ZMIZ1: variants seen among roughly 807,000 people sequenced by gnomAD.
ZMIZ1 encodes the protein zinc finger MIZ-type containing 1.
ZMIZ1 carries 17 observed loss-of-function variants against 113.9 expected under a neutral mutation model. The ratio of observed to expected loss-of-function variants is 0.15; its 90% confidence interval spans 0.10 to 0.22. The LOEUF is 0.22. ZMIZ1 is among the 10% of genes least tolerant of loss of function. The probability of loss-of-function intolerance (pLI) is 1.00; values close to 1 mark genes in which losing one functional copy is unlikely to be tolerated. For synonymous variants in ZMIZ1, 607 were observed against 603.1 expected, an observed-to-expected ratio of 1.01 and a Z score of -0.09; for missense variants, 1,059 against 1,477.8, an observed-to-expected ratio of 0.72 and a Z score of 4.65.
At chr10:79,255,552 G>A (rs533084739) in intron 7 of ZMIZ1, among the ~76,000 whole-genome samples, 151 of 152,138 alleles carry the variant, frequency 9.9e-4, no homozygotes, top group Non-Finnish European at 1.8e-3. Context: ...ATTCACCAGC[G>A]TCCCTGCCCG....
intron 1 of ZMIZ1, among the ~76,000 whole-genome samples, chr10:79,113,470 CTTCCTTCCCCTGGCCTGG>C (rs1843838488): frequency 6.6e-6 from 1 of 152,116 alleles, no homozygotes; most frequent in Non-Finnish European, 1.5e-5. Context: ...TGGCCTTGTG[CTTCCTTCCCCTGGCCTGG>C]CCTGAATGTG....
At chr10:79,194,792 TA>T (rs1304893193) in intron 4 of ZMIZ1, among the ~76,000 whole-genome samples, 5 of 152,140 alleles carry the variant, frequency 3.3e-5, no homozygotes, top group African/African-American at 1.2e-4. Flanking sequence ...CCTCTATACA[TA>T]ATAGCCGCTA....
chr10:79,294,938 A>AC (rs1261444746), intron 12 of ZMIZ1: 58 of 93,964 alleles, frequency 6.2e-4, no homozygotes, highest in African/African-American at 2.0e-3. Flanking sequence ...AGGAGGGGAG[A>AC]GAGAGGGGGG....
At chr10:79,141,531 C>G (rs1248247487) in intron 3 of ZMIZ1, among the ~76,000 whole-genome samples, 3 of 152,156 alleles carry the variant, frequency 2.0e-5, no homozygotes, top group Non-Finnish European at 2.9e-5. Context: ...CCTCAGCCCC[C>G]TGAGTAGCTG....
At chr10:79,148,604 C>T (rs768982597) in intron 3 of ZMIZ1, among the ~76,000 whole-genome samples, 18 of 152,088 alleles carry the variant, frequency 1.2e-4, no homozygotes, top group African/African-American at 1.7e-4. Context: ...GACGCAGATC[C>T]GCCATCATGC....
At chr10:79,220,949 A>T (rs1181140949) in intron 7 of ZMIZ1, among the ~76,000 whole-genome samples, 1 of 151,668 alleles carries the variant, frequency 6.6e-6, no homozygotes, top group Admixed American at 6.6e-5. Flanking sequence ...TATGTCTATG[A>T]CGTATATGTA....
intron 2 of ZMIZ1, among the ~76,000 whole-genome samples, chr10:79,123,749 G>A (rs1383979922): frequency 2.0e-5 from 3 of 152,176 alleles, no homozygotes; most frequent in East Asian, 1.9e-4. Context: ...TTAGGCTGCC[G>A]GCATGCACAC....
At chr10:79,211,742 G>T (rs116949324) in intron 6 of ZMIZ1, among the ~76,000 whole-genome samples, 1 of 152,220 alleles carries the variant, frequency 6.6e-6, no homozygotes, top group Non-Finnish European at 1.5e-5. Context: ...GCCGGCACAA[G>T]CCCCGGGCCA....
intron 7 of ZMIZ1, among the ~76,000 whole-genome samples, chr10:79,226,267 A>C (rs1407273921): frequency 6.6e-6 from 1 of 152,042 alleles, no homozygotes; most frequent in Non-Finnish European, 1.5e-5. Flanking sequence ...GTGGGACCAG[A>C]GCTCTGGCCA....
At chr10:79,301,072 G>A (rs1782648) in intron 17 of ZMIZ1, 130 bp downstream of exon 17, 475,347 of 1,329,858 alleles carry the variant, frequency 0.36, 87,160 homozygotes, top group East Asian at 0.44. Context: ...GCCCACAGCC[G>A]CCAAAGATAC....
rs1022039570 is a variant in ZMIZ1, at chr10:79,302,480, C to T, written c.2125+268C>T. Among the ~76,000 whole-genome samples the T allele has an allele frequency of 2.6e-5, 4 of 152,056 alleles. No individual in the cohort carries two copies. In the East Asian group the frequency reaches 7.7e-4, roughly 29 times the overall value. ...AAGAGCTGGCAGTCCAGCTTGGGAG[C>T]CAGAACAGGCATACCTGCAATAGCA... On this transcript the variant is annotated intron_variant, in intron 18 of 24. Transcript: ENST00000334512.
At chr10:79,103,033 T>A (rs1386082264) in intron 1 of ZMIZ1, among the ~76,000 whole-genome samples, 2 of 151,974 alleles carry the variant, frequency 1.3e-5, no homozygotes, top group African/African-American at 4.8e-5. Context: ...TGCAGTACAG[T>A]AGTAATGTCG....
At chr10:79,183,393 C>T (rs1251089914) in intron 4 of ZMIZ1, among the ~76,000 whole-genome samples, 2 of 152,044 alleles carry the variant, frequency 1.3e-5, no homozygotes, top group Admixed American at 1.3e-4. Context: ...CGCACACACC[C>T]ATGTGTGCAG....
intron 4 of ZMIZ1, among the ~76,000 whole-genome samples, chr10:79,193,069 G>C (rs703972): frequency 0.43 from 64,798 of 151,996 alleles, 14,045 homozygotes; most frequent in Non-Finnish European, 0.46. Flanking sequence ...GCAGGCTACC[G>C]AGGTTTGGGA....
chr10:79,129,172 C>T (rs1174524172), intron 2 of ZMIZ1, among the ~76,000 whole-genome samples: 1 of 152,182 alleles, frequency 6.6e-6, no homozygotes, highest in African/African-American at 2.4e-5. Context: ...CCCCCACCTC[C>T]CAGCAACCAT....
intron 3 of ZMIZ1, among the ~76,000 whole-genome samples, chr10:79,148,563 G>C (rs1845585682): frequency 6.6e-6 from 1 of 152,220 alleles, no homozygotes; most frequent in Non-Finnish European, 1.5e-5. Context: ...GTCCGGAAAA[G>C]GGGTGGAGCT....
chr10:79,156,093 TCTC>T (rs766718854), intron 3 of ZMIZ1, among the ~76,000 whole-genome samples: 2 of 144,920 alleles, frequency 1.4e-5, no homozygotes, highest in Admixed American at 6.8e-5. Flanking sequence ...CTTTACCTCT[TCTC>T]CTTCTTTTCC....
At chr10:79,293,910 C>T in intron 12 of ZMIZ1, 1 of 589,552 alleles carries the variant, frequency 1.7e-6, no homozygotes, top group South Asian at 2.0e-5. Context: ...AGTGCTTGGC[C>T]CTGGGCTGGC....
At chr10:79,184,347 G>T (rs949154374) in intron 4 of ZMIZ1, among the ~76,000 whole-genome samples, 4 of 152,196 alleles carry the variant, frequency 2.6e-5, no homozygotes, top group Non-Finnish European at 4.4e-5. Flanking sequence ...ATAGGCCTTG[G>T]AGACTGGCAG....
Sources: allele counts gnomAD v4.1 joint callset (sites outside exome capture counted in the v4.1 genomes callset), GRCh38; gene constraint gnomAD v4.1.1; transcripts MANE v1.5; gene names NCBI Gene and HGNC (gene_info 2026-07-23, HGNC 2026-07-21).